The following PTPRD variants were observed in gnomAD, a reference collection of about 807,000 sequenced individuals.
PTPRD encodes receptor-type tyrosine-protein phosphatase delta.
Under a neutral mutation model 214.5 loss-of-function variants are expected in PTPRD, and 34 were observed. The observed-to-expected ratio is 0.16, with a 90% CI of 0.12 to 0.21. The LOEUF is 0.21. PTPRD is among the 10% of genes least tolerant of loss of function. The pLI, the probability that PTPRD is intolerant of heterozygous loss-of-function variation, is 1.00. For synonymous variants in PTPRD, 1,128 were observed against 845.7 expected, an observed-to-expected ratio of 1.33 and a Z score of -5.79; for missense variants, 2,545 against 2,398.7, an observed-to-expected ratio of 1.06 and a Z score of -1.27.
rs748436273 is a variant in PTPRD at position 10,406,108 on chromosome 9, G to A, written c.-599-65091C>T. Among the ~76,000 whole-genome samples the A allele has an allele frequency of 1.1e-4, 16 of 151,138 alleles. 1 individual carries two copies. The highest frequency in any genetic ancestry group is 2.1e-4 in the Non-Finnish European group (14 of 67,560). On this transcript the variant is annotated intron_variant, in intron 2 of 45. Transcript: ENST00000381196. ...TAATTAGAAATTACTGATGTTACTA[G>A]CTGAGAAATATTGAATAAAATATTT...
At chr9:8,949,941 C>A (rs900149315) in intron 11 of PTPRD, among the ~76,000 whole-genome samples, 34 of 152,128 alleles carry the variant, frequency 2.2e-4, no homozygotes, top group Admixed American at 6.6e-5. Flanking sequence ...TCCCTGCATT[C>A]AAGAATGAAG....
At chr9:10,099,978 T>A (rs2098535771) in intron 3 of PTPRD, among the ~76,000 whole-genome samples, 1 of 151,874 alleles carries the variant, frequency 6.6e-6, no homozygotes, top group East Asian at 1.9e-4. Flanking sequence ...CCAGCATATA[T>A]AAACATGTGT....
chr9:9,637,962 C>T (rs1196888702), intron 7 of PTPRD, among the ~76,000 whole-genome samples: 1 of 152,202 alleles, frequency 6.6e-6, no homozygotes, highest in African/African-American at 2.4e-5. Context: ...ACCAAGGTTA[C>T]AGCTCATGCC....
At chr9:8,861,945 A>G (rs979683834) in intron 11 of PTPRD, 2 of 152,226 alleles carry the variant, frequency 1.3e-5, no homozygotes, top group Non-Finnish European at 2.9e-5. Context: ...TCAGTCCTCA[A>G]ATAACAATAT....
At chr9:9,789,995 T>C (rs189405685) in intron 5 of PTPRD, among the ~76,000 whole-genome samples, 7 of 152,160 alleles carry the variant, frequency 4.6e-5, no homozygotes, top group Admixed American at 4.6e-4. Context: ...GTGAAACAAC[T>C]AAAAGAACAC....
intron 11 of PTPRD, among the ~76,000 whole-genome samples, chr9:8,905,388 C>T (rs1271384267): frequency 6.6e-6 from 1 of 151,930 alleles, no homozygotes; most frequent in Non-Finnish European, 1.5e-5. Flanking sequence ...TCCAGATGCA[C>T]TGCACTTCCT....
At chr9:10,534,414 C>G (rs1055531722) in intron 2 of PTPRD, among the ~76,000 whole-genome samples, 6 of 152,036 alleles carry the variant, frequency 3.9e-5, no homozygotes, top group South Asian at 2.1e-4. Flanking sequence ...AATAGTGTGA[C>G]CAAAGTTTAC....
chr9:10,034,394 G>C (rs1032483751), intron 3 of PTPRD, among the ~76,000 whole-genome samples: 3 of 139,362 alleles, frequency 2.2e-5, no homozygotes, highest in African/African-American at 8.1e-5. Flanking sequence ...CTCTGTCTCA[G>C]CTCCTGGCTC....
At chr9:10,016,903 G>T (rs2096729325) in intron 4 of PTPRD, among the ~76,000 whole-genome samples, 1 of 152,148 alleles carries the variant, frequency 6.6e-6, no homozygotes, top group Non-Finnish European at 1.5e-5. Flanking sequence ...GAGCTCAAGA[G>T]ATTCTCCTGC....
intron 39 of PTPRD, among the ~76,000 whole-genome samples, chr9:8,346,701 C>G (rs888505759): frequency 1.3e-5 from 2 of 151,942 alleles, no homozygotes; most frequent in Non-Finnish European, 2.9e-5. Flanking sequence ...CTTGATGGCC[C>G]CAAAGTGCAA....
chr9:9,564,162 G>C (rs150431610), intron 8 of PTPRD, among the ~76,000 whole-genome samples: 9 of 152,238 alleles, frequency 5.9e-5, no homozygotes, highest in Non-Finnish European at 1.0e-4. Flanking sequence ...CACCAGCTGA[G>C]CTTTTTAAAG....
intron 10 of PTPRD, among the ~76,000 whole-genome samples, chr9:9,019,550 C>G (rs1278065811): frequency 6.6e-6 from 1 of 151,998 alleles, no homozygotes; most frequent in East Asian, 1.9e-4. Flanking sequence ...ACTCAAAATA[C>G]AAATAATTAG....
rs72696641 is a variant in PTPRD at position 8,548,421 on chromosome 9, G to T, written c.353-19642C>A. 3.4e-3 allele frequency among the ~76,000 whole-genome samples: 510 copies of T among 151,876 alleles called. 1 individual carries two copies. Among genetic ancestry groups the T allele is most frequent in the Non-Finnish European group, 4.0e-3 (274 of 67,960 alleles). On this transcript the variant is annotated intron_variant, in intron 14 of 45. Coordinates refer to ENST00000381196, the MANE Select transcript of PTPRD (RefSeq NM_002839.4). ...TTCACTCTGTCACCCAGGCTGTACT[G>T]CCGTGGCACAATCTCATCTCACTGC...
At chr9:8,438,943 G>A (rs564940271) in intron 34 of PTPRD, 2 of 152,236 alleles carry the variant, frequency 1.3e-5, no homozygotes, top group East Asian at 3.9e-4. Context: ...CACATGGTCT[G>A]GAAGTATTAT....
At chr9:9,161,314 G>A (rs1281302141) in intron 10 of PTPRD, among the ~76,000 whole-genome samples, 1 of 152,068 alleles carries the variant, frequency 6.6e-6, no homozygotes, top group East Asian at 1.9e-4. Flanking sequence ...AGACAATTAT[G>A]ATTTGTCAAT....
intron 7 of PTPRD, among the ~76,000 whole-genome samples, chr9:9,688,150 T>A (rs552334605): frequency 1.8e-4 from 28 of 152,018 alleles, no homozygotes; most frequent in African/African-American, 6.7e-4. Context: ...TGTGAGTCAA[T>A]TAAACCTCTT....
chr9:10,473,682 C>A (rs1255635789), intron 2 of PTPRD, among the ~76,000 whole-genome samples: 2 of 151,998 alleles, frequency 1.3e-5, no homozygotes, highest in African/African-American at 4.8e-5. Context: ...CCCACCACTC[C>A]TTCCAAACAG....
intron 14 of PTPRD, among the ~76,000 whole-genome samples, chr9:8,541,274 G>A (rs1370060323): frequency 6.6e-6 from 1 of 152,154 alleles, no homozygotes; most frequent in East Asian, 1.9e-4. Context: ...CTGTCACCCA[G>A]GCTGGACTGC....
At chr9:9,904,194 T>C (rs2077033062) in intron 5 of PTPRD, among the ~76,000 whole-genome samples, 1 of 152,146 alleles carries the variant, frequency 6.6e-6, no homozygotes, top group Non-Finnish European at 1.5e-5. Context: ...GGAAATGTTT[T>C]TCTTTTCTAA....
Sources: gnomAD v4.1 joint callset for allele counts (sites outside exome capture counted in the v4.1 genomes callset) on GRCh38, gnomAD v4.1.1 for gene constraint, MANE v1.5 for transcripts, NCBI Gene and HGNC (gene_info 2026-07-23, HGNC 2026-07-21) for gene names.